Variants in SNRNP40 observed in about 807,000 individuals in gnomAD.
SNRNP40 encodes U5 small nuclear ribonucleoprotein 40 kDa protein.
In SNRNP40, 21 loss-of-function variants were observed where a neutral mutation model predicts 45.8. The observed-to-expected ratio is 0.46, with a 90% CI of 0.32 to 0.66. The LOEUF (loss-of-function observed/expected upper bound fraction) is 0.66. SNRNP40 is among the 30% of genes least tolerant of loss of function. SNRNP40 has a pLI of 0.03. For synonymous variants in SNRNP40, 142 were observed against 163.8 expected (o/e 0.87, Z 1.01); for missense variants, 344 against 439.1 (o/e 0.78, Z 1.94).
At chr1:31,286,309 A>T (rs986857894) in intron 4 of SNRNP40, among the ~76,000 whole-genome samples, 1 of 152,176 alleles carries the variant, frequency 6.6e-6, no homozygotes, top group African/African-American at 2.4e-5. Context: ...TGGACAGAGA[A>T]ATCAGCCTCC....
intron 8 of SNRNP40, chr1:31,263,302 C>T (rs1249670150): frequency 2.0e-5 from 3 of 151,682 alleles, no homozygotes; most frequent in African/African-American, 7.3e-5. Flanking sequence ...TCACAAAAGT[C>T]TACATATTAT....
intron 1 of SNRNP40, among the ~76,000 whole-genome samples, chr1:31,294,158 A>G (rs1451446115): frequency 6.6e-6 from 1 of 151,974 alleles, no homozygotes; most frequent in African/African-American, 2.4e-5. Context: ...GGGTTTCACC[A>G]TGTTGGCCAG....
chr1:31,263,061 TAG>T (rs1052273379), intron 8 of SNRNP40, among the ~76,000 whole-genome samples: 1 of 99,454 alleles, frequency 1.0e-5, no homozygotes, highest in African/African-American at 2.9e-5. Flanking sequence ...TAAGAGGCTA[TAG>T]AGTTTTAAGC....
chr1:31,263,003 A>C (rs1398262803), intron 8 of SNRNP40, among the ~76,000 whole-genome samples: 1 of 99,980 alleles, frequency 1.0e-5, no homozygotes, highest in East Asian at 2.0e-4. Flanking sequence ...TCCTGTCTCA[A>C]GAAAAAAAAA....
At chr1:31,271,840 T>G (rs1033031764) in intron 5 of SNRNP40, among the ~76,000 whole-genome samples, 2 of 152,046 alleles carry the variant, frequency 1.3e-5, no homozygotes, top group Admixed American at 1.3e-4. Flanking sequence ...TTCACCATGT[T>G]GCCCAGGCTA....
At position 31,296,552 on chromosome 1, in the gene SNRNP40, A is replaced by G; in HGVS notation, c.141+59T>C. The G allele has an allele frequency of 1.9e-6, 3 of 1,545,334 alleles. No individual in the cohort carries two copies. In the South Asian group the frequency reaches 3.7e-5, roughly 19 times the overall value. Reference sequence around the variant, plus strand: ...GAAAGGGTCAGGGATCACCAGATACAGCGCTCTGAGGGGAGGAAGATGAGC... The same window carrying G: ...GAAAGGGTCAGGGATCACCAGATACGGCGCTCTGAGGGGAGGAAGATGAGC... On this transcript the variant is annotated intron_variant, in intron 1 of 9. Coordinates refer to ENST00000263694, the MANE Select transcript of SNRNP40 (RefSeq NM_004814.3).
rs77539811 is a variant in SNRNP40, at chr1:31,273,100, A to G, written c.655-1601T>C. ...ATGTGTGGAGCCCAACACATTTTCT[A>G]TACGATCATTTTTTTATATCAAGAT... On this transcript the variant is annotated intron_variant, in intron 5 of 9. Coordinates refer to ENST00000263694, the MANE Select transcript of SNRNP40 (RefSeq NM_004814.3). Among the ~76,000 whole-genome samples, 34 of 152,340 alleles carry G rather than the reference A, an allele frequency of 2.2e-4. No individual in the cohort carries two copies. In the East Asian group the frequency reaches 6.5e-3, roughly 29 times the overall value.
intron 5 of SNRNP40, among the ~76,000 whole-genome samples, chr1:31,275,131 C>T (rs978503591): frequency 1.3e-5 from 2 of 152,098 alleles, no homozygotes; most frequent in African/African-American, 2.4e-5. Context: ...GCTCTGGTCC[C>T]GTCTCTACCA....
In SNRNP40 at chr1:31,267,804, T is replaced by C. The variant is rs1046371851; in HGVS notation, c.920+67A>G. ...GCCTCGGCCTCCCAAAGTGCTGGGA[T>C]TGCAGGCACGAGCCACCGCATCCGG... On this transcript the variant is annotated intron_variant, in intron 8 of 9. Coordinates refer to ENST00000263694, the MANE Select transcript of SNRNP40 (RefSeq NM_004814.3). The C allele has an allele frequency of 7.3e-6, 9 of 1,235,328 alleles. No homozygotes were observed. The East Asian group carries it at 9.5e-5, about 13-fold the overall frequency. 76.5% of individuals were successfully genotyped at this position (1,235,328 alleles called of 1,614,324 possible). A position where few individuals can be genotyped will look rare whatever the true frequency, so the allele number is the denominator to read the frequency against.
At chr1:31,271,640 C>T (rs1379471470) in intron 5 of SNRNP40, 141 bp from the exon 6 acceptor site, 4 of 817,658 alleles carry the variant, frequency 4.9e-6, no homozygotes, top group Admixed American at 3.2e-5. Flanking sequence ...AAGAGAAAAA[C>T]ACCTTTTTTT....
chr1:31,271,327 A>G (rs995864269), intron 6 of SNRNP40, 52 bp downstream of exon 6: 2 of 1,573,006 alleles, frequency 1.3e-6, no homozygotes, highest in Non-Finnish European at 1.7e-6. Flanking sequence ...ATCTGTGAGC[A>G]ATCTTTGACT....
intron 8 of SNRNP40, among the ~76,000 whole-genome samples, chr1:31,265,025 T>G (rs551976909): frequency 1.8e-4 from 27 of 152,306 alleles, no homozygotes; most frequent in Non-Finnish European, 3.5e-4. Flanking sequence ...CACAGCTGCT[T>G]CTTGACTTGG....
At chr1:31,278,678 A>G (rs1246531452) in intron 5 of SNRNP40, among the ~76,000 whole-genome samples, 1 of 152,184 alleles carries the variant, frequency 6.6e-6, no homozygotes, top group Non-Finnish European at 1.5e-5. Flanking sequence ...GGGAAGTTCA[A>G]TTTTGGAAAA....
intron 7 of SNRNP40, 121 bp from the exon 8 acceptor site, chr1:31,268,053 G>C (rs946867206): frequency 1.4e-5 from 9 of 628,824 alleles, no homozygotes; most frequent in Non-Finnish European, 2.0e-5. Flanking sequence ...TCAGGAAGAT[G>C]GTCTGTAATT....
At chr1:31,266,494 T>C (rs1218042531) in intron 8 of SNRNP40, among the ~76,000 whole-genome samples, 3 of 152,184 alleles carry the variant, frequency 2.0e-5, no homozygotes, top group Non-Finnish European at 4.4e-5. Flanking sequence ...ATTCAACCTC[T>C]GATTCTCCCC....
chr1:31,261,340 C>T (rs1402564671), intron 9 of SNRNP40, among the ~76,000 whole-genome samples, 189 bp downstream of exon 9: 1 of 152,144 alleles, frequency 6.6e-6, no homozygotes, highest in Admixed American at 6.5e-5. Context: ...AACAGCGAGA[C>T]ACTGTCTCAA....
intron 5 of SNRNP40, among the ~76,000 whole-genome samples, chr1:31,278,793 G>A (rs1045380645): frequency 2.0e-5 from 3 of 152,084 alleles, no homozygotes; most frequent in African/African-American, 7.2e-5. Flanking sequence ...AATTGTCTTC[G>A]GCAGAGGGAT....
chr1:31,294,189 C>T (rs1430930111), intron 1 of SNRNP40, among the ~76,000 whole-genome samples: 1 of 151,986 alleles, frequency 6.6e-6, no homozygotes, highest in African/African-American at 2.4e-5. Flanking sequence ...AACTCCTGGC[C>T]TCATGTGATC....
intron 5 of SNRNP40, among the ~76,000 whole-genome samples, chr1:31,274,801 T>C (rs924148716): frequency 6.6e-6 from 1 of 152,136 alleles, no homozygotes; most frequent in African/African-American, 2.4e-5. Context: ...TATTACCAGG[T>C]AGGAAGTTCC....
Sources: gnomAD v4.1 joint callset for allele counts (sites outside exome capture counted in the v4.1 genomes callset) on GRCh38, gnomAD v4.1.1 for gene constraint, MANE v1.5 for transcripts, NCBI Gene and HGNC (gene_info 2026-07-23, HGNC 2026-07-21) for gene names.